The following DNAH7 variants were observed in gnomAD, a reference collection of about 807,000 sequenced individuals.
DNAH7 encodes the protein dynein axonemal heavy chain 7, also known as axonemal beta dynein heavy chain 7.
A neutral mutation model predicts 444.6 loss-of-function variants in DNAH7; 397 were observed. That is an observed-to-expected ratio of 0.89 (90% CI 0.82 to 0.97). The LOEUF is 0.97. Ranked by LOEUF, DNAH7 falls within the 50% of genes least tolerant of loss-of-function variation. The probability of loss-of-function intolerance (pLI) is 0.00; values close to 1 mark genes in which losing one functional copy is unlikely to be tolerated. For synonymous variants in DNAH7, 1,636 were observed against 1,624.4 expected, an observed-to-expected ratio of 1.01 and a Z score of -0.17; for missense variants, 4,902 against 4,800.8, an observed-to-expected ratio of 1.02 and a Z score of -0.62.
chr2:195,826,410 A>G lies in DNAH7; in HGVS notation c.9101-1965T>C, dbSNP rs186226010. Among the ~76,000 whole-genome samples the G allele has an allele frequency of 5.2e-3, 785 of 152,338 alleles. 5 individuals carry two copies. Among genetic ancestry groups the G allele is most frequent in the Non-Finnish European group, 7.6e-3 (514 of 68,032 alleles). On this transcript the variant is annotated intron_variant, in intron 48 of 64. Transcript: ENST00000312428. ...GTTTTGCAGATGAAATAGGACAGGCAATCAAAATAAATCAAAATAAATTTT... is the reference window on the plus strand; with the variant it reads ...GTTTTGCAGATGAAATAGGACAGGCGATCAAAATAAATCAAAATAAATTTT...
At chr2:195,933,484 G>C (rs1392863503) in intron 21 of DNAH7, among the ~76,000 whole-genome samples, 3 of 152,140 alleles carry the variant, frequency 2.0e-5, no homozygotes, top group Non-Finnish European at 4.4e-5. Flanking sequence ...CAATAGCAAA[G>C]ACTTGGAGCC....
intron 22 of DNAH7, among the ~76,000 whole-genome samples, chr2:195,924,798 T>G (rs929121716): frequency 6.6e-6 from 1 of 152,214 alleles, no homozygotes; most frequent in Non-Finnish European, 1.5e-5. Context: ...AATAAGCTAA[T>G]GCCAGTTCTG....
In DNAH7 at chr2:195,937,911, A is replaced by G. The variant is rs912586221; in HGVS notation, c.3079-1119T>C. On this transcript the variant is annotated intron_variant, in intron 19 of 64. Transcript: ENST00000312428. ...AAATACACCAGACATTTATTAATGT[A>G]ACAGGGCATTTTAGGAAATTTATAT... 6.6e-5 allele frequency among the ~76,000 whole-genome samples: 10 copies of G among 152,328 alleles called. No homozygotes were observed. In the East Asian group the frequency reaches 1.7e-3, roughly 26 times the overall value.
intron 2 of DNAH7, among the ~76,000 whole-genome samples, chr2:196,052,349 T>G (rs756367585): frequency 9.9e-5 from 15 of 152,230 alleles, no homozygotes; most frequent in African/African-American, 3.6e-4. Context: ...CAAAACAGTA[T>G]GCACTAGCCC....
intron 48 of DNAH7, among the ~76,000 whole-genome samples, chr2:195,826,959 T>A (rs1223028799): frequency 6.6e-6 from 1 of 151,852 alleles, no homozygotes; most frequent in Non-Finnish European, 1.5e-5. Context: ...AAAGAAGAAA[T>A]ATCCTTTAAG....
intron 47 of DNAH7, among the ~76,000 whole-genome samples, chr2:195,837,958 G>C (rs777326856): frequency 1.3e-5 from 2 of 152,124 alleles, no homozygotes; most frequent in African/African-American, 4.8e-5. Context: ...GTATAAAAAA[G>C]GTGCCCCTGG....
intron 23 of DNAH7, 41 bp from the exon 24 acceptor site, chr2:195,922,238 G>A: frequency 8.4e-7 from 1 of 1,187,976 alleles, no homozygotes; most frequent in Non-Finnish European, 1.2e-6. Context: ...CAATAAAATT[G>A]TAAATAATAT....
At chr2:195,920,661 A>G (rs1411496150) in intron 24 of DNAH7, among the ~76,000 whole-genome samples, 1 of 152,252 alleles carries the variant, frequency 6.6e-6, no homozygotes, top group Non-Finnish European at 1.5e-5. Flanking sequence ...TGGCTTAGGC[A>G]AAGAGTTCAT....
intron 19 of DNAH7, among the ~76,000 whole-genome samples, chr2:195,939,425 G>T (rs1304699917): frequency 6.6e-6 from 1 of 152,114 alleles, no homozygotes; most frequent in Non-Finnish European, 1.5e-5. Context: ...TTCAGCAAAT[G>T]CAGGATGAAC....
chr2:195,792,601 C>T, intron 57 of DNAH7, among the ~76,000 whole-genome samples: 1 of 152,084 alleles, frequency 6.6e-6, no homozygotes, highest in South Asian at 2.1e-4. Context: ...ATGGATATTA[C>T]TGCATCAACT....
chr2:195,933,561 A>G (rs1195553744), intron 21 of DNAH7, among the ~76,000 whole-genome samples: 1 of 152,140 alleles, frequency 6.6e-6, no homozygotes, highest in African/African-American at 2.4e-5. Context: ...ATGGAATACT[A>G]TGCAGCCATA....
chr2:196,039,788 CAAA>C (rs34592815), intron 5 of DNAH7, among the ~76,000 whole-genome samples: 11 of 79,634 alleles, frequency 1.4e-4, no homozygotes, highest in African/African-American at 1.7e-4. Context: ...GATTCTGCCT[CAAA>C]AAAAAAAAAA....
At chr2:196,052,684 G>A (rs1429556915) in intron 2 of DNAH7, among the ~76,000 whole-genome samples, 2 of 152,204 alleles carry the variant, frequency 1.3e-5, no homozygotes, top group Non-Finnish European at 2.9e-5. Flanking sequence ...TAAAGACCAT[G>A]TGCTTCCATC....
intron 45 of DNAH7, among the ~76,000 whole-genome samples, chr2:195,854,557 T>C (rs1699584313): frequency 6.6e-6 from 1 of 152,212 alleles, no homozygotes. Flanking sequence ...CCTCTTTAAA[T>C]ATCTTTTGTC....
At chr2:195,940,359 C>T (rs939737677) in intron 19 of DNAH7, among the ~76,000 whole-genome samples, 1 of 152,044 alleles carries the variant, frequency 6.6e-6, no homozygotes, top group African/African-American at 2.4e-5. Context: ...TTACACCTTA[C>T]ACAAAAATTA....
At chr2:195,871,966 A>AAAAAAAC (rs1700733556) in intron 40 of DNAH7, among the ~76,000 whole-genome samples, 1 of 81,574 alleles carries the variant, frequency 1.2e-5, no homozygotes, top group Non-Finnish European at 2.1e-5. Flanking sequence ...AAAAAAAAAA[A>AAAAAAAC]AAACTACTTA....
intron 58 of DNAH7, among the ~76,000 whole-genome samples, chr2:195,780,416 A>G (rs1054731160): frequency 2.0e-5 from 3 of 152,092 alleles, no homozygotes; most frequent in African/African-American, 7.2e-5. Flanking sequence ...TTTTACTTCT[A>G]TGATGTTTAT....
intron 1 of DNAH7, among the ~76,000 whole-genome samples, chr2:196,064,564 T>C (rs1403578686): frequency 6.6e-6 from 1 of 152,120 alleles, no homozygotes; most frequent in African/African-American, 2.4e-5. Flanking sequence ...ACCCAACTCT[T>C]TGCCATCCTG....
rs1696005304 is a variant in DNAH7 at position 195,793,776 on chromosome 2, C to A, written c.10716+562G>T. Among the ~76,000 whole-genome samples the A allele has an allele frequency of 2.0e-5, 3 of 152,162 alleles. No homozygotes were observed. The South Asian group carries it at 6.2e-4, about 32-fold the overall frequency. ...TAACCCCTCTTAAAAAGAAACTCTTCCATTTTTAATTATGGCAAAACGCTG... is the reference window on the plus strand; with the variant it reads ...TAACCCCTCTTAAAAAGAAACTCTTACATTTTTAATTATGGCAAAACGCTG... On this transcript the variant is annotated intron_variant, in intron 57 of 64. Coordinates refer to ENST00000312428, the MANE Select transcript of DNAH7 (RefSeq NM_018897.3).
Sources: allele counts gnomAD v4.1 joint callset (sites outside exome capture counted in the v4.1 genomes callset), GRCh38; gene constraint gnomAD v4.1.1; transcripts MANE v1.5; gene names NCBI Gene and HGNC (gene_info 2026-07-23, HGNC 2026-07-21).